Variants in IST1 observed in about 807,000 individuals in gnomAD.
IST1 encodes the protein IST1 homolog.
Under a neutral mutation model 37.0 loss-of-function variants are expected in IST1, and 23 were observed. The ratio of observed to expected loss-of-function variants is 0.62; its 90% confidence interval spans 0.45 to 0.88. The LOEUF is 0.88. Ranked by LOEUF, IST1 falls within the 40% of genes least tolerant of loss-of-function variation. The pLI, the probability that IST1 is intolerant of heterozygous loss-of-function variation, is 0.00. For missense variants in IST1, 488 were observed against 445.4 expected, an observed-to-expected ratio of 1.10 and a Z score of -0.86; for synonymous variants, 180 against 161.7, an observed-to-expected ratio of 1.11 and a Z score of -0.86.
At chr16:71,915,584 A>G in intron 1 of IST1, 42 bp from the exon 2 acceptor site, 3 of 1,402,452 alleles carry the variant, frequency 2.1e-6, no homozygotes, top group East Asian at 2.3e-5. Flanking sequence ...TCCTGAACTA[A>G]TGTTGACTTG....
At chr16:71,894,761 C>T (rs2036929125), upstream of IST1, 3 of 1,093,944 alleles carry the variant, frequency 2.7e-6, no homozygotes, top group Admixed American at 6.3e-5. Context: ...GTCTGCAACT[C>T]CCGGGCTCAA....
Position 71,929,943 on chromosome 16 carries a change from A to G in IST1, c.*2130A>G, listed in dbSNP as rs1208236528. ...AGAGCTTTTGAAACTAATAAAGGGAATATGATACTGTGCATTATAAATTAT... is the reference window on the plus strand; with the variant it reads ...AGAGCTTTTGAAACTAATAAAGGGAGTATGATACTGTGCATTATAAATTAT... On this transcript the variant is annotated 3_prime_UTR_variant, in exon 10 of 10. Transcript: ENST00000378799. 7.0e-6 allele frequency: 9 copies of G among 1,293,748 alleles called. No homozygotes were observed. Among genetic ancestry groups the G allele is most frequent in the East Asian group, 5.1e-5 (2 of 39,574 alleles). The allele number at this position is 1,293,748 out of a possible 1,614,324, so 80.1% of individuals were successfully genotyped here. A position where few individuals can be genotyped will look rare whatever the true frequency, so the allele number is the denominator to read the frequency against.
At chr16:71,900,083 T>C (rs1196804457) in intron 1 of IST1, among the ~76,000 whole-genome samples, 1 of 151,330 alleles carries the variant, frequency 6.6e-6, no homozygotes, top group Non-Finnish European at 1.5e-5. Context: ...GGAGAATCGC[T>C]TGGACCTGGG....
rs748642734 is a variant in IST1 at position 71,931,092 on chromosome 16, ATTTG to A, written c.*3283_*3286del. The A allele has an allele frequency of 2.0e-4, 31 of 152,148 alleles. No individual in the cohort carries two copies. The highest frequency in any genetic ancestry group is 4.0e-4 in the Non-Finnish European group (27 of 67,986). The allele number at this position is 152,148 out of a possible 1,614,324, so 9.4% of individuals were successfully genotyped here. A position where few individuals can be genotyped will look rare whatever the true frequency, so the allele number is the denominator to read the frequency against. On this transcript the variant is annotated 3_prime_UTR_variant, in exon 10 of 10. Transcript: ENST00000378799. ...TTACTGTTTATTTTTTGTTTGCTCT[ATTTG>A]TTTTTTAATGTTTTTTACTTTATGT...
At chr16:71,894,718 T>TTC, upstream of IST1, 1 of 567,560 alleles carries the variant, frequency 1.8e-6, no homozygotes, top group Non-Finnish European at 3.0e-6. Flanking sequence ...TTTTTTTTTG[T>TTC]AGCGATGCGG....
chr16:71,929,864 G>T lies in IST1; in HGVS notation c.*2051G>T. On this transcript the variant is annotated 3_prime_UTR_variant, in exon 10 of 10. Transcript: ENST00000378799. The stretch of plus-strand genomic sequence containing the variant: ...CGAGCCAACTATTTATAGGACAATG[G>T]CTATAGAATATTATGTAGTCTTATA... 1.0e-6 allele frequency: 1 copy of T among 960,718 alleles called. No individual in the cohort carries two copies. The highest frequency in any genetic ancestry group is 1.5e-6 in the Non-Finnish European group (1 of 663,838). 59.5% of individuals were successfully genotyped at this position (960,718 alleles called of 1,614,324 possible).
Position 71,908,126 on chromosome 16 carries a change from T to G in IST1, c.-15-7500T>G, listed in dbSNP as rs528908899. The stretch of plus-strand genomic sequence containing the variant: ...ACCAAGCTAATTTTTGTATTTTGAG[T>G]AGAGATGGGGTTTCATCATGTTAGC... On this transcript the variant is annotated intron_variant, in intron 1 of 9. Transcript: ENST00000378799. Among the ~76,000 whole-genome samples, 35 of 151,744 alleles carry G rather than the reference T, an allele frequency of 2.3e-4. No homozygotes were observed. The South Asian group carries it at 5.8e-3, about 25-fold the overall frequency.
At chr16:71,916,784 A>G in intron 3 of IST1, 142 bp downstream of exon 3, 1 of 753,036 alleles carries the variant, frequency 1.3e-6, no homozygotes, top group Non-Finnish European at 2.1e-6. Flanking sequence ...TTAAAAAGAA[A>G]ATACAGAATC....
chr16:71,923,239 AT>A, intron 7 of IST1, 48 bp from the exon 8 acceptor site: 1 of 1,090,554 alleles, frequency 9.2e-7, no homozygotes, highest in Non-Finnish European at 1.4e-6. Flanking sequence ...AACCTTCGAG[AT>A]TGCAAACTGG....
chr16:71,929,844 C>T lies in IST1; in HGVS notation c.*2031C>T. 1.0e-6 allele frequency: 1 copy of T among 959,414 alleles called. No individual in the cohort carries two copies. Among genetic ancestry groups the T allele is most frequent in the African/African-American group, 1.7e-5 (1 of 60,126 alleles). 59.4% of individuals were successfully genotyped at this position (959,414 alleles called of 1,614,324 possible). A position where few individuals can be genotyped will look rare whatever the true frequency, so the allele number is the denominator to read the frequency against. ...AGTGTTTCCACTAATGGTTGCGAGC[C>T]AACTATTTATAGGACAATGGCTATA... On this transcript the variant is annotated 3_prime_UTR_variant, in exon 10 of 10. Coordinates refer to ENST00000378799, the MANE Select transcript of IST1 (RefSeq NM_001270975.2).
chr16:71,909,342 C>T (rs201054313), intron 1 of IST1, among the ~76,000 whole-genome samples: 1 of 152,100 alleles, frequency 6.6e-6, no homozygotes, highest in African/African-American at 2.4e-5. Flanking sequence ...CGGCCTCAAG[C>T]GATCCTCCTG....
intron 1 of IST1, among the ~76,000 whole-genome samples, chr16:71,911,234 T>C (rs2037346966): frequency 6.6e-6 from 1 of 151,974 alleles, no homozygotes; most frequent in Non-Finnish European, 1.5e-5. Context: ...GTGAGACTCT[T>C]ACGTCAAAAA....
chr16:71,927,715 C>G lies in IST1; in HGVS notation c.1003C>G (p.Leu335Val), dbSNP rs1357711872. The change falls in exon 10 of 10, where the codon CTA becomes GTA. Residue 335 changes from leucine (L) to valine (V), a missense_variant. By Grantham distance (32) the Leu-to-Val change is conservative (BLOSUM62 1). This residue lies in a region of IST1 where 455 missense variants were observed against 386.2 expected (regional missense o/e 1.18). Transcript: ENST00000378799. The stretch of plus-strand genomic sequence containing the variant: ...AGAGTTGCCATCTGTGCCAGACACA[C>G]TACCAACTGCATCTGCTGGTGCCAG... ...LPELPSVPDT[L>V]PTASAGASTS... 1.2e-6 allele frequency: 2 copies of G among 1,612,982 alleles called. No individual in the cohort carries two copies. Among genetic ancestry groups the G allele is most frequent in the South Asian group, 1.1e-5 (1 of 91,068 alleles).
At chr16:71,918,761 G>T (rs748193762) in intron 4 of IST1, among the ~76,000 whole-genome samples, 41 of 152,056 alleles carry the variant, frequency 2.7e-4, no homozygotes, top group Non-Finnish European at 4.6e-4. Flanking sequence ...TTTGGAAAAG[G>T]CTTAAATATG....
chr16:71,921,486 GT>G, intron 6 of IST1, 33 bp downstream of exon 6: 1 of 1,344,304 alleles, frequency 7.4e-7, no homozygotes, highest in Non-Finnish European at 1.1e-6. Flanking sequence ...AGAAAAATGA[GT>G]TTGTAGGTAT....
chr16:71,929,085 A>C lies in IST1; in HGVS notation c.*1272A>C, dbSNP rs2037823232. 1 of 154,208 alleles carries C rather than the reference A, an allele frequency of 6.5e-6. No homozygotes were observed. The highest frequency in any genetic ancestry group is 1.9e-4 in the East Asian group (1 of 5,204). The allele number at this position is 154,208 out of a possible 1,614,324, so 9.6% of individuals were successfully genotyped here. ...GGAGAATATTTTAACCAAGTGATCC[A>C]TGTAAACCAGCCCTTAGTTTCAGGA... On this transcript the variant is annotated 3_prime_UTR_variant, in exon 10 of 10. Coordinates refer to ENST00000378799, the MANE Select transcript of IST1 (RefSeq NM_001270975.2).
chr16:71,920,664 C>A, intron 4 of IST1, 75 bp from the exon 5 acceptor site: 1 of 1,026,494 alleles, frequency 9.7e-7, no homozygotes, highest in Non-Finnish European at 1.5e-6. Context: ...CGCGTGTTTA[C>A]TGTTGCCAGG....
At chr16:71,919,559 G>C (rs2037534817) in intron 4 of IST1, among the ~76,000 whole-genome samples, 1 of 152,088 alleles carries the variant, frequency 6.6e-6, no homozygotes, top group Admixed American at 6.6e-5. Flanking sequence ...GCTAATTTTT[G>C]TATCTTTTAA....
At chr16:71,903,777 G>A (rs2037160914) in intron 1 of IST1, 1 of 152,264 alleles carries the variant, frequency 6.6e-6, no homozygotes, top group Non-Finnish European at 1.5e-5. Context: ...CTGCTGTGTT[G>A]GGTGTAATGT....
Sources: allele counts gnomAD v4.1 joint callset (sites outside exome capture counted in the v4.1 genomes callset), GRCh38; gene constraint gnomAD v4.1.1; regional missense constraint gnomAD v4.1.1; transcripts MANE v1.5; gene names NCBI Gene and HGNC (gene_info 2026-07-23, HGNC 2026-07-21).